LGALS3: variants seen among roughly 807,000 people sequenced by gnomAD.
LGALS3 encodes the protein galectin 3.
In LGALS3, 18 loss-of-function variants were observed where a neutral mutation model predicts 20.7. The observed-to-expected ratio is 0.87, with a 90% CI of 0.60 to 1.29. The LOEUF is 1.29. Among genes scored for constraint, LGALS3 ranks in the 50% most tolerant of loss-of-function variants. The pLI, the probability that LGALS3 is intolerant of heterozygous loss-of-function variation, is 0.00. For missense variants in LGALS3, 315 were observed against 314.7 expected (o/e 1.00, Z -0.01); for synonymous variants, 112 against 119.6 (o/e 0.94, Z 0.42).
intron 2 of LGALS3, chr14:55,137,764 A>G: frequency 6.8e-6 from 9 of 1,323,364 alleles, no homozygotes; most frequent in Non-Finnish European, 7.7e-6. Flanking sequence ...TGCTATAAGT[A>G]GAGGAGCGCT....
At chr14:55,137,647 G>A in intron 2 of LGALS3, 1 of 1,424,850 alleles carries the variant, frequency 7.0e-7, no homozygotes, top group Admixed American at 2.9e-5. Context: ...GAAGGGAGTG[G>A]ACTCTGCCGG....
At chr14:55,141,064 A>C (rs553355946) in intron 4 of LGALS3, among the ~76,000 whole-genome samples, 3 of 152,318 alleles carry the variant, frequency 2.0e-5, no homozygotes, top group African/African-American at 7.2e-5. Flanking sequence ...CACAAATTCA[A>C]GCCATGTACA....
intron 1 of LGALS3, among the ~76,000 whole-genome samples, chr14:55,133,509 A>C (rs1881293366): frequency 6.6e-6 from 1 of 152,174 alleles, no homozygotes; most frequent in South Asian, 2.1e-4. Context: ...GGGATGATTC[A>C]TGTCCCAGGC....
chr14:55,132,061 A>C (rs1282677252), intron 1 of LGALS3, among the ~76,000 whole-genome samples: 4 of 152,220 alleles, frequency 2.6e-5, no homozygotes, highest in Non-Finnish European at 5.9e-5. Context: ...GACATTTCAG[A>C]AGTGTTCCTG....
intron 4 of LGALS3, among the ~76,000 whole-genome samples, chr14:55,141,843 T>G (rs1392229958): frequency 6.6e-6 from 1 of 152,204 alleles, no homozygotes; most frequent in Non-Finnish European, 1.5e-5. Context: ...CAGATTAAAA[T>G]ACGAATACCT....
At chr14:55,132,261 A>T (rs1881254656) in intron 1 of LGALS3, among the ~76,000 whole-genome samples, 2 of 152,176 alleles carry the variant, frequency 1.3e-5, no homozygotes, top group African/African-American at 4.8e-5. Flanking sequence ...ACAAATGTGG[A>T]GACCCAGCTA....
At chr14:55,137,917 T>C (rs1298558575) in intron 2 of LGALS3, 128 bp from the exon 3 acceptor site, 3 of 1,342,636 alleles carry the variant, frequency 2.2e-6, no homozygotes, top group African/African-American at 3.0e-5. Context: ...GTGGAAAAAG[T>C]TTAATGATAT....
At chr14:55,137,703 T>C in intron 2 of LGALS3, 2 of 1,366,922 alleles carry the variant, frequency 1.5e-6, no homozygotes, top group Non-Finnish European at 1.9e-6. Context: ...CGGTACAGTC[T>C]GGGCATTCTG....
At chr14:55,138,559 T>C (rs1881505884) in intron 3 of LGALS3, 191 bp downstream of exon 3, 1 of 739,930 alleles carries the variant, frequency 1.4e-6, no homozygotes, top group South Asian at 1.4e-5. Context: ...AATGAGTATT[T>C]TGAAGGCACT....
At position 55,144,586 on chromosome 14, in the gene LGALS3, C is replaced by T. The variant is rs574443265; in HGVS notation, c.598-530C>T. Among the ~76,000 whole-genome samples, 19 of 152,098 alleles carry T rather than the reference C, an allele frequency of 1.2e-4. No homozygotes were observed. In the East Asian group the frequency reaches 3.1e-3, roughly 25 times the overall value. ...GTTGTTGCTTTTTGTTTTTTTGAGA[C>T]GGAGTCTCACTCTTTCGCCCAGGCT... On this transcript the variant is annotated intron_variant, in intron 5 of 5. Coordinates refer to ENST00000254301, the MANE Select transcript of LGALS3 (RefSeq NM_002306.4).
rs192467939 is a variant in LGALS3, at chr14:55,135,608, A to G, written c.-4-1762A>G. ...TTGAGATGAGGTCGCTCTGTCACCC[A>G]GGCTGGAGTGCAGTGGTGCCATCAC... On this transcript the variant is annotated intron_variant, in intron 1 of 5. Transcript: ENST00000254301. Among the ~76,000 whole-genome samples, 699 of 123,364 alleles carry G rather than the reference A, an allele frequency of 5.7e-3. 27 individuals are homozygous for G. In the Admixed American group the frequency reaches 0.065, roughly 11 times the overall value. The allele number at this position is 123,364 out of a possible 152,430, so 80.9% of individuals were successfully genotyped here. A position where few individuals can be genotyped will look rare whatever the true frequency, so the allele number is the denominator to read the frequency against.
Position 55,140,335 on chromosome 14 carries a change from C to G in LGALS3, c.403C>G (p.Leu135Val), listed in dbSNP as rs777834735. 3.1e-6 allele frequency: 5 copies of G among 1,613,344 alleles called. No individual in the cohort carries two copies. The highest frequency in any genetic ancestry group is 3.4e-6 in the Non-Finnish European group (4 of 1,179,568). Residue 135 changes from leucine to valine, a missense_variant, in exon 4 of 6, where the codon CTG becomes GTG. Leu to Val is a conservative substitution (Grantham distance 32). Coordinates refer to ENST00000254301, the MANE Select transcript of LGALS3 (RefSeq NM_002306.4). ...GGTGCCTCGCATGCTGATAACAATT[C>G]TGGGCACGGTGAAGCCCAATGCAAA... ...GVVPRMLITI[L>V]GTVKPNANRI...
intron 1 of LGALS3, among the ~76,000 whole-genome samples, chr14:55,132,019 G>A (rs1386934761): frequency 1.3e-5 from 2 of 152,178 alleles, no homozygotes; most frequent in African/African-American, 2.4e-5. Context: ...CTTCTGTGAC[G>A]GTTGCGCACA....
rs376299667 is a variant in LGALS3, at chr14:55,143,142, G to C, written c.597+393G>C. On this transcript the variant is annotated intron_variant, in intron 5 of 5. Transcript: ENST00000254301. ...TTCTAAAATTAAAGTTTTATGAAAA[G>C]TTTATAAATTTTTAAATTAACAAAG... Among the ~76,000 whole-genome samples, 6 of 152,200 alleles carry C rather than the reference G, an allele frequency of 3.9e-5. No individual in the cohort carries two copies. The East Asian group carries it at 9.6e-4, about 24-fold the overall frequency.
Position 55,137,363 on chromosome 14 carries a change from C to A in LGALS3, c.-4-7C>A, listed in dbSNP as rs1357781448. On this transcript the variant is annotated splice_polypyrimidine_tract_variant and splice_region_variant and intron_variant, in intron 1 of 5. Transcript: ENST00000254301. ...TAGGATAAAATGATAATCTTTGTTT[C>A]TTTCAGGAAAATGGCAGACAATTTT... 1.2e-6 allele frequency: 2 copies of A among 1,613,382 alleles called. No individual in the cohort carries two copies. The highest frequency in any genetic ancestry group is 1.1e-5 in the South Asian group (1 of 91,070).
At chr14:55,130,409 G>T (rs745547069) in intron 1 of LGALS3, among the ~76,000 whole-genome samples, 1 of 152,176 alleles carries the variant, frequency 6.6e-6, no homozygotes, top group Non-Finnish European at 1.5e-5. Flanking sequence ...GGACCTCAGT[G>T]ACTCAGGCTG....
At position 55,129,930 on chromosome 14, in the gene LGALS3, G is replaced by C. The variant is rs1881177053; in HGVS notation, c.-5+630G>C. On this transcript the variant is annotated intron_variant, in intron 1 of 5. Coordinates refer to ENST00000254301, the MANE Select transcript of LGALS3 (RefSeq NM_002306.4). This position sits in a 1 kb window ranked among gnomAD's most constrained non-coding sequence, Gnocchi z 5.3. ...TGGAGGAGATCTCGCTGTGGAGCGCGAATGAGTTCTTCCACCGGGACCAGC... is the reference window on the plus strand; with the variant it reads ...TGGAGGAGATCTCGCTGTGGAGCGCCAATGAGTTCTTCCACCGGGACCAGC... Among the ~76,000 whole-genome samples, 1 of 152,166 alleles carries C rather than the reference G, an allele frequency of 6.6e-6. No individual in the cohort carries two copies. The highest frequency in any genetic ancestry group is 2.4e-5 in the African/African-American group (1 of 41,438).
At chr14:55,142,553 A>ATT (rs747127028) in intron 4 of LGALS3, 31 bp from the exon 5 acceptor site, 16 of 1,581,158 alleles carry the variant, frequency 1.0e-5, no homozygotes, top group Non-Finnish European at 1.3e-5. Flanking sequence ...AGCTTTAATC[A>ATT]TTTTAATAAC....
intron 2 of LGALS3, 146 bp downstream of exon 2, chr14:55,137,537 T>G: frequency 2.5e-6 from 4 of 1,568,908 alleles, no homozygotes; most frequent in Non-Finnish European, 3.4e-6. Context: ...GCTTGCAAGC[T>G]GGAGCCTTGT....
Sources: gnomAD v4.1 joint callset for allele counts (sites outside exome capture counted in the v4.1 genomes callset) on GRCh38, gnomAD v4.1.1 for gene constraint, Gnocchi (gnomAD v3.1) non-coding constraint, MANE v1.5 for transcripts, NCBI Gene and HGNC (gene_info 2026-07-23, HGNC 2026-07-21) for gene names.